The following STAG1 variants were observed in gnomAD, a reference collection of about 807,000 sequenced individuals.
STAG1 encodes cohesin subunit SA-1.
In STAG1, 26 loss-of-function variants were observed where a neutral mutation model predicts 170.9. That is an observed-to-expected ratio of 0.15 (90% CI 0.11 to 0.21). The LOEUF (loss-of-function observed/expected upper bound fraction) is 0.21. Among genes scored for constraint, STAG1 ranks in the 10% least tolerant of loss-of-function variants. The pLI, the probability that STAG1 is intolerant of heterozygous loss-of-function variation, is 1.00. For missense variants in STAG1, 964 were observed against 1,509.5 expected (o/e 0.64, Z 5.99); for synonymous variants, 514 against 497.7 (o/e 1.03, Z -0.44).
chr3:136,534,698 T>G (rs1219043149), intron 6 of STAG1, among the ~76,000 whole-genome samples: 2 of 152,186 alleles, frequency 1.3e-5, no homozygotes, highest in Non-Finnish European at 2.9e-5. Flanking sequence ...GGCAATGAGA[T>G]ATCATTCACC....
At chr3:136,707,845 T>A (rs1434545027) in intron 1 of STAG1, among the ~76,000 whole-genome samples, 1 of 152,138 alleles carries the variant, frequency 6.6e-6, no homozygotes. Context: ...TCATGAAGGA[T>A]CTGCCCTCAT....
At chr3:136,560,021 T>G (rs181385354) in intron 5 of STAG1, among the ~76,000 whole-genome samples, 1 of 152,336 alleles carries the variant, frequency 6.6e-6, no homozygotes, top group East Asian at 1.9e-4. Context: ...TGTTAGGTAT[T>G]TCTTTTGGCT....
chr3:136,751,555 T>C (rs1188490509), intron 1 of STAG1, among the ~76,000 whole-genome samples: 1 of 152,038 alleles, frequency 6.6e-6, no homozygotes, highest in African/African-American at 2.4e-5. Flanking sequence ...AGAGGGCAGA[T>C]AGCTGGAAAG....
At chr3:136,354,785 A>C (rs930867358) in intron 28 of STAG1, among the ~76,000 whole-genome samples, 1 of 143,306 alleles carries the variant, frequency 7.0e-6, no homozygotes, top group African/African-American at 2.6e-5. Flanking sequence ...AACAAAAACA[A>C]AATCTCCAGG....
intron 1 of STAG1, among the ~76,000 whole-genome samples, chr3:136,728,617 T>G (rs958216786): frequency 1.2e-4 from 19 of 152,260 alleles, no homozygotes; most frequent in African/African-American, 4.6e-4. Context: ...CACATACTGT[T>G]AACTATTATT....
chr3:136,470,385 A>C (rs1299445583), intron 12 of STAG1, among the ~76,000 whole-genome samples: 2 of 152,264 alleles, frequency 1.3e-5, no homozygotes, highest in Non-Finnish European at 2.9e-5. Context: ...ACGTGAAATA[A>C]TGCTCATCAT....
intron 25 of STAG1, 73 bp downstream of exon 25, chr3:136,366,870 T>C: frequency 7.7e-7 from 1 of 1,300,670 alleles, no homozygotes; most frequent in African/African-American, 1.5e-5. Context: ...TTTTAGCTTC[T>C]GTCATCATCC....
At chr3:136,579,316 T>C (rs1459299251) in intron 4 of STAG1, among the ~76,000 whole-genome samples, 11 of 152,258 alleles carry the variant, frequency 7.2e-5, no homozygotes, top group Admixed American at 2.0e-4. Flanking sequence ...CTAGTTCTCC[T>C]GTCTCTGCCA....
intron 15 of STAG1, among the ~76,000 whole-genome samples, chr3:136,434,213 C>A (rs1218546849): frequency 2.0e-5 from 3 of 152,020 alleles, no homozygotes; most frequent in East Asian, 1.9e-4. Context: ...TATTTCTGTA[C>A]AATAAATTCT....
chr3:136,512,660 G>C (rs1166393118), intron 7 of STAG1, among the ~76,000 whole-genome samples: 1 of 151,896 alleles, frequency 6.6e-6, no homozygotes, highest in Non-Finnish European at 1.5e-5. Flanking sequence ...AGCTTAAGTG[G>C]ACTGGAAGAT....
chr3:136,631,586 G>T (rs1187286116), intron 1 of STAG1, among the ~76,000 whole-genome samples: 4 of 152,214 alleles, frequency 2.6e-5, no homozygotes, highest in African/African-American at 9.6e-5. Context: ...AATATAGGTT[G>T]ATCAGCTGAT....
At chr3:136,443,253 A>T (rs752740764) in intron 15 of STAG1, 34 bp downstream of exon 15, 1 of 1,476,786 alleles carries the variant, frequency 6.8e-7, no homozygotes, top group Non-Finnish European at 9.4e-7. Flanking sequence ...TGGAAATACA[A>T]AATCATGTAA....
rs552289857 is a variant in STAG1, at chr3:136,737,661, A to G, written c.-84+14534T>C. 3.3e-5 allele frequency among the ~76,000 whole-genome samples: 5 copies of G among 152,376 alleles called. No homozygotes were observed. In the East Asian group the frequency reaches 9.6e-4, roughly 29 times the overall value. On this transcript the variant is annotated intron_variant, in intron 1 of 33. Transcript: ENST00000383202. ...TTACTATATTCAACAAATATTTGTT[A>G]GCCCTTACTGTGTCAGAATCTATTC... is the stretch of plus-strand genomic sequence containing the variant.
At position 136,493,670 on chromosome 3, in the gene STAG1, A is replaced by G. The variant is rs530221520; in HGVS notation, c.902+6553T>C. 7.8e-3 allele frequency among the ~76,000 whole-genome samples: 1,183 copies of G among 151,500 alleles called. 23 individuals carry two copies. Among genetic ancestry groups the G allele is most frequent in the African/African-American group, 0.026 (1,086 of 41,324 alleles). Reference sequence around the variant, plus strand: ...ATCCTGTCTCCGAAAAAAAAAAAAAAAAAACAACACAAATAATAAATATGG... The same window carrying G: ...ATCCTGTCTCCGAAAAAAAAAAAAAGAAAACAACACAAATAATAAATATGG... On this transcript the variant is annotated intron_variant, in intron 9 of 33. Transcript: ENST00000383202.
At chr3:136,644,400 C>T (rs1258642878) in intron 1 of STAG1, among the ~76,000 whole-genome samples, 3 of 152,076 alleles carry the variant, frequency 2.0e-5, no homozygotes, top group Non-Finnish European at 4.4e-5. Flanking sequence ...GCCAGCTGCC[C>T]AAGGCAATCA....
At chr3:136,485,759 ATAT>A (rs1353300453) in intron 9 of STAG1, among the ~76,000 whole-genome samples, 1 of 152,190 alleles carries the variant, frequency 6.6e-6, no homozygotes, top group Non-Finnish European at 1.5e-5. Flanking sequence ...TTTTACATAA[ATAT>A]TATCCTGTAG....
At chr3:136,547,636 C>A (rs538847673) in intron 5 of STAG1, among the ~76,000 whole-genome samples, 2 of 152,312 alleles carry the variant, frequency 1.3e-5, no homozygotes, top group Admixed American at 1.3e-4. Context: ...TAATGCCCTC[C>A]AGATTCATCC....
chr3:136,463,409 C>T (rs2089331312), intron 13 of STAG1, among the ~76,000 whole-genome samples: 1 of 152,046 alleles, frequency 6.6e-6, no homozygotes. Flanking sequence ...TTGCCTAGTC[C>T]ATGATTTATA....
intron 7 of STAG1, among the ~76,000 whole-genome samples, chr3:136,514,036 T>C (rs988385519): frequency 1.1e-4 from 17 of 152,192 alleles, no homozygotes; most frequent in African/African-American, 3.6e-4. Context: ...AGTTATGGCA[T>C]AGTCATAAGA....
Sources: allele counts gnomAD v4.1 joint callset (sites outside exome capture counted in the v4.1 genomes callset), GRCh38; gene constraint gnomAD v4.1.1; transcripts MANE v1.5; gene names NCBI Gene and HGNC (gene_info 2026-07-23, HGNC 2026-07-21).